SMOC2: variants seen among roughly 807,000 people sequenced by gnomAD.
SMOC2 encodes the protein SPARC related modular calcium binding 2.
SMOC2 carries 39 observed loss-of-function variants against 61.4 expected under a neutral mutation model. The observed-to-expected ratio is 0.64, with a 90% CI of 0.49 to 0.83. SMOC2 has a LOEUF of 0.83. Among genes scored for constraint, SMOC2 ranks in the 40% least tolerant of loss-of-function variants. The pLI is 0.00. For synonymous variants in SMOC2, 247 were observed against 239.9 expected (o/e 1.03, Z -0.27); for missense variants, 556 against 592.9 (o/e 0.94, Z 0.65).
chr6:168,532,667 A>AT (rs1356622889), intron 4 of SMOC2, among the ~76,000 whole-genome samples: 1 of 152,180 alleles, frequency 6.6e-6, no homozygotes, highest in African/African-American at 2.4e-5. Flanking sequence ...TACATGCAAG[A>AT]TTTTTTAATA....
At chr6:168,576,421 C>T (rs899236682) in intron 7 of SMOC2, among the ~76,000 whole-genome samples, 1 of 152,150 alleles carries the variant, frequency 6.6e-6, no homozygotes, top group African/African-American at 2.4e-5. Context: ...AGATGGCTGA[C>T]ATCGCAGATC....
chr6:168,498,174 AAC>A (rs1335386843), intron 1 of SMOC2, among the ~76,000 whole-genome samples: 4 of 152,350 alleles, frequency 2.6e-5, no homozygotes, highest in Admixed American at 1.3e-4. Context: ...TTCACCGAAT[AAC>A]ACAGTCTCCA....
At chr6:168,448,471 A>C (rs1162718705) in intron 1 of SMOC2, among the ~76,000 whole-genome samples, 1 of 112,342 alleles carries the variant, frequency 8.9e-6, no homozygotes, top group Non-Finnish European at 1.7e-5. Context: ...CGGAGATGGC[A>C]AGGAAGATGG....
chr6:168,631,174 T>G (rs1562393753), intron 9 of SMOC2, among the ~76,000 whole-genome samples: 1 of 152,202 alleles, frequency 6.6e-6, no homozygotes, highest in Non-Finnish European at 1.5e-5. Context: ...ACGTGTGATG[T>G]CTCCCCCGGA....
At chr6:168,538,910 A>T (rs1330512433) in intron 4 of SMOC2, among the ~76,000 whole-genome samples, 3 of 152,090 alleles carry the variant, frequency 2.0e-5, no homozygotes, top group Non-Finnish European at 2.9e-5. Flanking sequence ...TGCTGACCAC[A>T]TCCCCGGAGT....
chr6:168,530,189 C>T (rs1783556269), intron 4 of SMOC2, among the ~76,000 whole-genome samples: 2 of 152,136 alleles, frequency 1.3e-5, no homozygotes, highest in African/African-American at 4.8e-5. Context: ...ATGAATAATA[C>T]ATGCAAACGT....
chr6:168,631,277 A>T (rs1468556498), intron 9 of SMOC2, among the ~76,000 whole-genome samples: 2 of 152,126 alleles, frequency 1.3e-5, no homozygotes, highest in Non-Finnish European at 2.9e-5. Flanking sequence ...ACCTACGTGA[A>T]TTTCGGGGCC....
chr6:168,645,715 C>A (rs2115266430), intron 9 of SMOC2, among the ~76,000 whole-genome samples: 1 of 152,252 alleles, frequency 6.6e-6, no homozygotes, highest in African/African-American at 2.4e-5. Flanking sequence ...ATGTTCCTGG[C>A]CCAAACCGAG....
chr6:168,576,030 T>A (rs2115150491), intron 7 of SMOC2, among the ~76,000 whole-genome samples: 1 of 152,158 alleles, frequency 6.6e-6, no homozygotes, highest in African/African-American at 2.4e-5. Context: ...TGGAGCCTGG[T>A]GGCCTGGGTC....
chr6:168,526,519 G>A, intron 3 of SMOC2, 67 bp downstream of exon 3: 9 of 1,367,692 alleles, frequency 6.6e-6, no homozygotes, highest in African/African-American at 1.4e-5. Context: ...AGCGGGTGTG[G>A]GGAGAAGGCA....
At chr6:168,462,729 G>GA (rs1263061140) in intron 1 of SMOC2, among the ~76,000 whole-genome samples, 1 of 152,192 alleles carries the variant, frequency 6.6e-6, no homozygotes, top group Non-Finnish European at 1.5e-5. Context: ...GACTCAGGGA[G>GA]AAAAAGGGTT....
chr6:168,624,285 C>T (rs1224159417), intron 9 of SMOC2, among the ~76,000 whole-genome samples: 1 of 152,190 alleles, frequency 6.6e-6, no homozygotes, highest in Non-Finnish European at 1.5e-5. Context: ...CTTAGTTTCA[C>T]TCAGTGCTGT....
intron 7 of SMOC2, among the ~76,000 whole-genome samples, chr6:168,566,363 G>A (rs888007585): frequency 6.6e-6 from 1 of 151,952 alleles, no homozygotes. Context: ...CCTTGCAATA[G>A]GTTGTCTTTA....
At chr6:168,451,595 C>CTCGG (rs1781464756) in intron 1 of SMOC2, among the ~76,000 whole-genome samples, 1 of 116,302 alleles carries the variant, frequency 8.6e-6, no homozygotes, top group Non-Finnish European at 1.7e-5. Flanking sequence ...CTCTCTCTGT[C>CTCGG]TCTGTCTCTC....
At chr6:168,502,759 TAATTTAATTTA>T (rs1250983511) in intron 1 of SMOC2, among the ~76,000 whole-genome samples, 1 of 151,692 alleles carries the variant, frequency 6.6e-6, no homozygotes, top group East Asian at 1.9e-4. Flanking sequence ...TAATTTAATT[TAATTTAATTTA>T]ATTTATGTTA....
At chr6:168,603,350 G>A (rs1055707473) in intron 8 of SMOC2, among the ~76,000 whole-genome samples, 1 of 151,456 alleles carries the variant, frequency 6.6e-6, no homozygotes, top group African/African-American at 2.4e-5. Flanking sequence ...GGGGCAGATG[G>A]GGAGCAGCTG....
At chr6:168,518,562 CATGT>C (rs749755021) in intron 2 of SMOC2, among the ~76,000 whole-genome samples, 37 of 146,806 alleles carry the variant, frequency 2.5e-4, no homozygotes, top group Non-Finnish European at 3.9e-4. Context: ...TGTGTGAGTG[CATGT>C]ATGTGACAAT....
chr6:168,649,482 G>C (rs1787136953), intron 9 of SMOC2, among the ~76,000 whole-genome samples: 1 of 152,152 alleles, frequency 6.6e-6, no homozygotes, highest in Non-Finnish European at 1.5e-5. Flanking sequence ...CTCCAGGGCT[G>C]GTGCCTGGCT....
intron 2 of SMOC2, among the ~76,000 whole-genome samples, chr6:168,523,003 G>A (rs1018418829): frequency 1.3e-5 from 2 of 151,124 alleles, no homozygotes; most frequent in Admixed American, 1.3e-4. Flanking sequence ...CACTATGAAT[G>A]TGCTACATGC....
Sources: allele counts gnomAD v4.1 joint callset (sites outside exome capture counted in the v4.1 genomes callset), GRCh38; gene constraint gnomAD v4.1.1; transcripts MANE v1.5; gene names NCBI Gene and HGNC (gene_info 2026-07-23, HGNC 2026-07-21).